The following CNBD1 variants were observed in gnomAD, a reference collection of about 807,000 sequenced individuals.
CNBD1 encodes cyclic nucleotide-binding domain-containing protein 1.
In CNBD1, 71 loss-of-function variants were observed where a neutral mutation model predicts 54.4. The ratio of observed to expected loss-of-function variants is 1.30; its 90% CI spans 1.08 to 1.59. CNBD1 has a LOEUF of 1.59. Ranked by LOEUF, CNBD1 falls within the 40% of genes most tolerant of loss-of-function variation. The pLI is 0.00. For synonymous variants in CNBD1, 182 were observed against 170.7 expected (o/e 1.07, Z -0.51); for missense variants, 659 against 518.0 (o/e 1.27, Z -2.64).
At chr8:87,216,334 A>C (rs1814210738) in intron 5 of CNBD1, among the ~76,000 whole-genome samples, 1 of 152,208 alleles carries the variant, frequency 6.6e-6, no homozygotes, top group South Asian at 2.1e-4. Flanking sequence ...AAGTTAAGTA[A>C]AATGAAAAAT....
At chr8:87,288,544 G>C (rs917298253) in intron 8 of CNBD1, among the ~76,000 whole-genome samples, 2 of 151,990 alleles carry the variant, frequency 1.3e-5, no homozygotes, top group African/African-American at 4.8e-5. Flanking sequence ...TAATATGTTT[G>C]ATTACTAATG....
downstream of CNBD1, among the ~76,000 whole-genome samples, chr8:87,384,207 C>G (rs1011864041): frequency 2.6e-5 from 4 of 151,976 alleles, no homozygotes; most frequent in African/African-American, 9.7e-5. Flanking sequence ...CTAAATTTGG[C>G]TATTTTATCT....
At chr8:87,258,188 G>T (rs190970625) in intron 6 of CNBD1, among the ~76,000 whole-genome samples, 4 of 151,998 alleles carry the variant, frequency 2.6e-5, no homozygotes, top group African/African-American at 9.7e-5. Flanking sequence ...ATTTTGGGAG[G>T]CCTATTAAAT....
At chr8:86,947,429 C>T (rs1286484735) in intron 4 of CNBD1, among the ~76,000 whole-genome samples, 2 of 152,022 alleles carry the variant, frequency 1.3e-5, no homozygotes. Flanking sequence ...GCTCATTGTA[C>T]AGCAAGGTCC....
intron 4 of CNBD1, among the ~76,000 whole-genome samples, chr8:87,159,576 T>C (rs546819833): frequency 6.6e-6 from 1 of 152,188 alleles, no homozygotes; most frequent in South Asian, 2.1e-4. Flanking sequence ...GATAAATCTG[T>C]GTCCCACCTT....
chr8:86,936,262 T>C (rs1337042748), intron 3 of CNBD1, among the ~76,000 whole-genome samples: 1 of 152,166 alleles, frequency 6.6e-6, no homozygotes, highest in Non-Finnish European at 1.5e-5. Flanking sequence ...AGCTTATTAC[T>C]AAAGAAAAAG....
intron 8 of CNBD1, among the ~76,000 whole-genome samples, chr8:87,336,127 C>T (rs1809940978): frequency 6.6e-6 from 1 of 152,120 alleles, no homozygotes. Context: ...CTGCCCTTAA[C>T]ATTTTTTCAC....
In CNBD1 at chr8:87,201,084, G is replaced by A. The variant is rs185746903; in HGVS notation, c.432-4909G>A. On this transcript the variant is annotated intron_variant, in intron 4 of 10. Coordinates refer to ENST00000518476, the MANE Select transcript of CNBD1 (RefSeq NM_173538.3). ...GAATTTATTCCAGTAATGCAGGGTC[G>A]CTCTAACATCTAATAATCAACAAAT... Among the ~76,000 whole-genome samples, 405 of 151,962 alleles carry A rather than the reference G, an allele frequency of 2.7e-3. 3 individuals are homozygous for A. The highest frequency in any genetic ancestry group is 9.1e-3 in the African/African-American group (378 of 41,448).
chr8:87,195,569 T>G (rs1299587837), intron 4 of CNBD1, among the ~76,000 whole-genome samples: 1 of 151,406 alleles, frequency 6.6e-6, no homozygotes, highest in Non-Finnish European at 1.5e-5. Context: ...ATTGTTTTTT[T>G]TTTTTTTTTA....
rs1434846719 is a variant in CNBD1, at chr8:87,421,402, C to T, written c.214-7144C>T. ...ACTCGTCATCTAGCATTAGGTATAT[C>T]TCCCAATGCTCTCCCTCCCCCCCTC... On this transcript the variant is annotated intron_variant, in intron 2 of 7. Coordinates refer to the CNBD1 transcript ENST00000521593. 1.8e-4 allele frequency among the ~76,000 whole-genome samples: 27 copies of T among 147,280 alleles called. No homozygotes were observed. In the South Asian group the frequency reaches 3.6e-3, roughly 19 times the overall value.
chr8:87,246,984 G>A (rs751948330), intron 6 of CNBD1, among the ~76,000 whole-genome samples: 5 of 151,942 alleles, frequency 3.3e-5, no homozygotes, highest in South Asian at 2.1e-4. Flanking sequence ...AGTGACACCC[G>A]AATTATGTTG....
intron 3 of CNBD1, among the ~76,000 whole-genome samples, chr8:86,916,156 T>C (rs75143851): frequency 0.022 from 3,306 of 152,218 alleles, 120 homozygotes; most frequent in African/African-American, 0.076. Context: ...ACCTCAATGC[T>C]TGTCTCCTCA....
chr8:87,192,690 G>A (rs1422964698), intron 4 of CNBD1, among the ~76,000 whole-genome samples: 3 of 152,128 alleles, frequency 2.0e-5, no homozygotes, highest in Admixed American at 6.6e-5. Flanking sequence ...TGAAAACCTT[G>A]GATTCCCTGT....
chr8:87,290,957 G>T (rs1172205776), intron 8 of CNBD1, among the ~76,000 whole-genome samples: 3 of 152,060 alleles, frequency 2.0e-5, no homozygotes, highest in Non-Finnish European at 4.4e-5. Flanking sequence ...TTCTTACCTA[G>T]TACTAGAATT....
chr8:87,251,308 TG>T (rs1807912178), intron 6 of CNBD1, among the ~76,000 whole-genome samples: 1 of 152,074 alleles, frequency 6.6e-6, no homozygotes, highest in Non-Finnish European at 1.5e-5. Context: ...GATTGAGGCC[TG>T]GGTGCATTGG....
At chr8:87,409,002 C>T (rs1013972431) in intron 2 of CNBD1, among the ~76,000 whole-genome samples, 1 of 152,016 alleles carries the variant, frequency 6.6e-6, no homozygotes, top group South Asian at 2.1e-4. Context: ...AATTAATAAC[C>T]ATACAGTGGC....
chr8:87,116,337 G>A (rs1231206000), intron 4 of CNBD1, among the ~76,000 whole-genome samples: 2 of 151,284 alleles, frequency 1.3e-5, no homozygotes, highest in East Asian at 3.9e-4. Context: ...GACTAGCTGG[G>A]ACTACAGGCA....
chr8:87,385,928 G>A (rs181884953), downstream of CNBD1, among the ~76,000 whole-genome samples: 1,087 of 152,200 alleles, frequency 7.1e-3, 12 homozygotes, highest in African/African-American at 0.025. Flanking sequence ...ATTTCCAGAG[G>A]AACTATCAGG....
chr8:87,194,109 A>C (rs1407460542), intron 4 of CNBD1, among the ~76,000 whole-genome samples: 2 of 152,166 alleles, frequency 1.3e-5, no homozygotes, highest in East Asian at 1.9e-4. Context: ...GATCTAGGCT[A>C]TGTGTGCCTT....
Sources: allele counts gnomAD v4.1 joint callset (sites outside exome capture counted in the v4.1 genomes callset), GRCh38; gene constraint gnomAD v4.1.1; transcripts MANE v1.5; gene names NCBI Gene and HGNC (gene_info 2026-07-23, HGNC 2026-07-21).